CAMSAP2: variants seen among roughly 807,000 people sequenced by gnomAD.
CAMSAP2 encodes calmodulin regulated spectrin associated protein family member 2.
A neutral mutation model predicts 146.1 loss-of-function variants in CAMSAP2; 26 were observed. The observed-to-expected ratio is 0.18, with a 90% CI of 0.13 to 0.25. The LOEUF (loss-of-function observed/expected upper bound fraction) is 0.25, where lower values mean the gene tolerates loss of function less well. CAMSAP2 is among the 10% of genes least tolerant of loss of function. The pLI, the probability that CAMSAP2 is intolerant of heterozygous loss-of-function variation, is 1.00. For missense variants in CAMSAP2, 1,381 were observed against 1,759.3 expected (o/e 0.78, Z 3.85); for synonymous variants, 499 against 596.6 (o/e 0.84, Z 2.38).
At position 200,815,543 on chromosome 1, in the gene CAMSAP2, ATATTTT is replaced by A. The variant is rs1558189786; in HGVS notation, c.562-14_562-9del. ...AAAAAAAGAATAAAAATTCAAACTG[ATATTTT>A]TATATTTTAAGGTAAATGAACATTT... On this transcript the variant is annotated splice_polypyrimidine_tract_variant and intron_variant, in intron 3 of 16. Coordinates refer to ENST00000358823, the MANE Select transcript of CAMSAP2 (RefSeq NM_203459.4). The A allele has an allele frequency of 3.1e-6, 4 of 1,296,680 alleles. 1 individual carries two copies. The South Asian group carries it at 5.9e-5, about 19-fold the overall frequency. 80.3% of individuals were successfully genotyped at this position (1,296,680 alleles called of 1,614,324 possible).
chr1:200,762,872 A>G (rs995476818), intron 2 of CAMSAP2, among the ~76,000 whole-genome samples: 5 of 151,962 alleles, frequency 3.3e-5, no homozygotes, highest in African/African-American at 1.2e-4. Flanking sequence ...TTTTAATAAT[A>G]TTTAAGGAAT....
At chr1:200,761,735 CAA>C (rs34309759) in intron 2 of CAMSAP2, among the ~76,000 whole-genome samples, 36 of 102,658 alleles carry the variant, frequency 3.5e-4, no homozygotes, top group Admixed American at 4.7e-4. Flanking sequence ...AACTCTGTCT[CAA>C]AAAAAAAAAA....
At chr1:200,817,709 A>G (rs949513188) in intron 4 of CAMSAP2, among the ~76,000 whole-genome samples, 1 of 152,262 alleles carries the variant, frequency 6.6e-6, no homozygotes, top group African/African-American at 2.4e-5. Flanking sequence ...TATCAACTTC[A>G]ATAGAAAAAT....
At chr1:200,807,127 AAAG>A (rs1571776300) in intron 2 of CAMSAP2, among the ~76,000 whole-genome samples, 3 of 152,172 alleles carry the variant, frequency 2.0e-5, no homozygotes, top group East Asian at 3.8e-4. Context: ...AAAAACAAGA[AAAG>A]AAGCATCTTT....
intron 2 of CAMSAP2, among the ~76,000 whole-genome samples, chr1:200,775,746 G>A (rs1158014417): frequency 6.6e-6 from 1 of 152,070 alleles, no homozygotes; most frequent in Admixed American, 6.6e-5. Flanking sequence ...ACCCAGGCTG[G>A]TCTCGAACTC....
intron 2 of CAMSAP2, among the ~76,000 whole-genome samples, chr1:200,766,976 CAG>C (rs1288044478): frequency 2.0e-5 from 3 of 152,146 alleles, no homozygotes; most frequent in East Asian, 3.9e-4. Context: ...TGACTGCTGA[CAG>C]GGGATGAAGT....
intron 4 of CAMSAP2, among the ~76,000 whole-genome samples, chr1:200,817,487 G>A (rs1272720957): frequency 6.6e-6 from 1 of 151,972 alleles, no homozygotes; most frequent in Non-Finnish European, 1.5e-5. Flanking sequence ...TATTGTAATT[G>A]GAACCCTTTA....
chr1:200,838,133 TG>T (rs995600227), intron 6 of CAMSAP2, among the ~76,000 whole-genome samples: 18 of 152,216 alleles, frequency 1.2e-4, no homozygotes, highest in African/African-American at 4.1e-4. Context: ...TTTTAATTAC[TG>T]GGAAAATTAT....
chr1:200,794,033 G>A (rs1558180376), intron 2 of CAMSAP2, among the ~76,000 whole-genome samples: 1 of 152,238 alleles, frequency 6.6e-6, no homozygotes, highest in East Asian at 1.9e-4. Flanking sequence ...ATAGTTTTCT[G>A]GGACAAGAAT....
intron 2 of CAMSAP2, among the ~76,000 whole-genome samples, chr1:200,798,988 T>C (rs1302570775): frequency 2.6e-5 from 4 of 152,222 alleles, no homozygotes; most frequent in African/African-American, 9.6e-5. Flanking sequence ...TTGCGTATAT[T>C]GAACCAGCCT....
intron 1 of CAMSAP2, among the ~76,000 whole-genome samples, chr1:200,740,522 A>T (rs1202269557): frequency 6.6e-6 from 1 of 152,214 alleles, no homozygotes; most frequent in Non-Finnish European, 1.5e-5. Flanking sequence ...TTAAGTTCTT[A>T]TTAAATCAGT....
intron 2 of CAMSAP2, among the ~76,000 whole-genome samples, chr1:200,786,739 G>A (rs1665603897): frequency 6.6e-6 from 1 of 152,192 alleles, no homozygotes; most frequent in Non-Finnish European, 1.5e-5. Context: ...ATGCCATATA[G>A]GACTTGCATA....
intron 3 of CAMSAP2, among the ~76,000 whole-genome samples, chr1:200,814,947 T>G (rs1274870818): frequency 1.3e-5 from 2 of 152,118 alleles, no homozygotes; most frequent in Non-Finnish European, 2.9e-5. Flanking sequence ...AAGAAATAAT[T>G]TATGCACCAT....
chr1:200,847,742 G>T (rs1485056257), intron 10 of CAMSAP2, 33 bp downstream of exon 10: 1 of 1,530,534 alleles, frequency 6.5e-7, no homozygotes, highest in East Asian at 2.3e-5. Context: ...AGTGTATTCA[G>T]ATTATTAAGA....
intron 2 of CAMSAP2, among the ~76,000 whole-genome samples, chr1:200,797,771 CCTAGGTTTT>C (rs1318000776): frequency 3.2e-3 from 335 of 105,188 alleles, no homozygotes; most frequent in Non-Finnish European, 5.2e-3. Context: ...AATGGTAATG[CCTAGGTTTT>C]CTTCTAGGGT....
chr1:200,815,245 A>G (rs550546942), intron 3 of CAMSAP2, among the ~76,000 whole-genome samples: 1 of 152,272 alleles, frequency 6.6e-6, no homozygotes, highest in Non-Finnish European at 1.5e-5. Flanking sequence ...TTTTTACTTG[A>G]TATTAGTTTG....
intron 2 of CAMSAP2, among the ~76,000 whole-genome samples, chr1:200,765,112 CAAAA>C (rs1275640836): frequency 6.6e-6 from 1 of 151,676 alleles, no homozygotes; most frequent in Non-Finnish European, 1.5e-5. Context: ...TCAAAAAAAA[CAAAA>C]AAACAAAAAA....
chr1:200,810,575 CAA>C (rs955804895), intron 3 of CAMSAP2, among the ~76,000 whole-genome samples: 33 of 95,766 alleles, frequency 3.4e-4, no homozygotes, highest in Non-Finnish European at 2.1e-4. Flanking sequence ...GACTCCATCT[CAA>C]AAAAAAAAAA....
intron 3 of CAMSAP2, among the ~76,000 whole-genome samples, chr1:200,814,666 T>A (rs1463585486): frequency 6.9e-6 from 1 of 144,572 alleles, no homozygotes; most frequent in Non-Finnish European, 1.5e-5. Context: ...TTTGTCAACA[T>A]GTCACACTAA....
Sources: gnomAD v4.1 joint callset for allele counts (sites outside exome capture counted in the v4.1 genomes callset) on GRCh38, gnomAD v4.1.1 for gene constraint, MANE v1.5 for transcripts, NCBI Gene and HGNC (gene_info 2026-07-23, HGNC 2026-07-21) for gene names.